Variants in SLC12A7 observed in about 807,000 individuals in gnomAD.
The protein encoded by SLC12A7 is K-Cl cotransporter 4.
Under a neutral mutation model 120.6 loss-of-function variants are expected in SLC12A7, and 100 were observed. The observed-to-expected ratio is 0.83, with a 90% CI of 0.71 to 0.98. The LOEUF is 0.98. SLC12A7 is among the 50% of genes least tolerant of loss of function. The probability of loss-of-function intolerance (pLI) is 0.00; values close to 1 mark genes in which losing one functional copy is unlikely to be tolerated. For missense variants in SLC12A7, 1,373 were observed against 1,548.1 expected (o/e 0.89, Z 1.90); for synonymous variants, 760 against 678.0 (o/e 1.12, Z -1.88).
chr5:1,105,584 G>A (rs948984816), intron 1 of SLC12A7, among the ~76,000 whole-genome samples: 3 of 152,242 alleles, frequency 2.0e-5, no homozygotes, highest in African/African-American at 4.8e-5. Context: ...CATCGTTCAG[G>A]AGCTCATCGT....
In SLC12A7 at chr5:1,083,870, G is replaced by A. The variant is rs761935860; in HGVS notation, c.1004C>T (p.Thr335Ile). The A allele has an allele frequency of 7.5e-6, 12 of 1,608,156 alleles. No homozygotes were observed. The highest frequency in any genetic ancestry group is 5.0e-5 in the Admixed American group (3 of 59,720). Residue 335 changes from threonine to isoleucine, a missense_variant, in exon 8 of 24, where the codon ACC (threonine) becomes ATC (isoleucine). Thr to Ile is a moderately conservative substitution (Grantham distance 89, BLOSUM62 -1). Transcript: ENST00000264930. The stretch of plus-strand genomic sequence containing the variant: ...GCAGAAGAGGCCCCAGAGCGCGGAG[G>A]TGGCTGAGTTGTTGTGGATGCCGTA... ...KAYGIHNNSA[T>I]SALWGLFCNG...
chr5:1,058,604 G>A lies in SLC12A7; in HGVS notation c.2848-955C>T, dbSNP rs911856930. Among the ~76,000 whole-genome samples the A allele has an allele frequency of 5.3e-5, 8 of 152,314 alleles. 1 individual carries two copies. The highest frequency in any genetic ancestry group is 4.1e-4 in the South Asian group (2 of 4,830). The stretch of plus-strand genomic sequence containing the variant: ...TCACTGGACCAGGTTCTTCTTCCCT[G>A]GATAAAACTGTTTAACTTGGATGTC... On this transcript the variant is annotated intron_variant, in intron 21 of 23. Transcript: ENST00000264930.
chr5:1,083,572 G>A (rs1320603968), intron 8 of SLC12A7, among the ~76,000 whole-genome samples, 173 bp downstream of exon 8: 1 of 152,228 alleles, frequency 6.6e-6, no homozygotes, highest in Non-Finnish European at 1.5e-5. Flanking sequence ...CTATGGCTCT[G>A]CCAGGGGTGT....
chr5:1,055,996 G>A (rs995257755), intron 22 of SLC12A7, among the ~76,000 whole-genome samples: 3 of 152,202 alleles, frequency 2.0e-5, no homozygotes, highest in Non-Finnish European at 4.4e-5. Context: ...GGCCCAGGCG[G>A]TTACTGGCGG....
intron 1 of SLC12A7, among the ~76,000 whole-genome samples, chr5:1,099,038 A>T (rs1388193804): frequency 1.3e-5 from 2 of 151,982 alleles, no homozygotes; most frequent in African/African-American, 4.8e-5. Flanking sequence ...CAGGAAGGTG[A>T]GATGGGCAGG....
intron 18 of SLC12A7, 76 bp from the exon 19 acceptor site, chr5:1,064,328 A>G (rs1736684497): frequency 6.6e-7 from 1 of 1,507,070 alleles, no homozygotes; most frequent in Non-Finnish European, 8.9e-7. Flanking sequence ...ACTCACAGCC[A>G]GTGCAGGGGC....
chr5:1,142,218 A>C, the SLC12A7 span, among the ~76,000 whole-genome samples: 11 of 151,638 alleles, frequency 7.3e-5, no homozygotes, highest in African/African-American at 2.4e-4. Context: ...GCCCAGCCCT[A>C]TAAGCCCTGG....
At chr5:1,091,558 T>C (rs1740498181) in intron 3 of SLC12A7, among the ~76,000 whole-genome samples, 2 of 152,172 alleles carry the variant, frequency 1.3e-5, no homozygotes, top group Admixed American at 1.3e-4. Context: ...TGAGTTTTGG[T>C]GCCAGAGTAC....
chr5:1,056,550 G>T lies in SLC12A7; in HGVS notation c.3026+921C>A, dbSNP rs1735631250. On this transcript the variant is annotated intron_variant, in intron 22 of 23. Transcript: ENST00000264930. The stretch of plus-strand genomic sequence containing the variant: ...CAGGCATGCAGGGCAACCGGGCCCG[G>T]AAGGCGACCTGGTTGTAGCGAGTGG... 6 of 983,456 alleles carry T rather than the reference G, an allele frequency of 6.1e-6. No homozygotes were observed. The South Asian group carries it at 1.9e-4, about 31-fold the overall frequency. The allele number at this position is 983,456 out of a possible 1,614,324, so 60.9% of individuals were successfully genotyped here. A position where few individuals can be genotyped will look rare whatever the true frequency, so the allele number is the denominator to read the frequency against.
At chr5:1,091,783 A>C (rs1242408703) in intron 3 of SLC12A7, among the ~76,000 whole-genome samples, 1 of 151,256 alleles carries the variant, frequency 6.6e-6, no homozygotes. Flanking sequence ...AAAGGTGCTG[A>C]GTGCTGAGCC....
At chr5:1,099,364 C>G (rs113635899) in intron 1 of SLC12A7, among the ~76,000 whole-genome samples, 59 of 131,098 alleles carry the variant, frequency 4.5e-4, no homozygotes, top group East Asian at 6.4e-4. Flanking sequence ...CCAGCCCCGA[C>G]CCAGTCCACC....
At chr5:1,083,635 C>G (rs1739467181) in intron 8 of SLC12A7, 110 bp downstream of exon 8, 1 of 1,145,374 alleles carries the variant, frequency 8.7e-7, no homozygotes, top group Non-Finnish European at 1.3e-6. Flanking sequence ...CTCGGCCAGG[C>G]AGGAGGAATT....
chr5:1,085,388 T>C lies in SLC12A7; in HGVS notation c.761A>G (p.Tyr254Cys). 2 of 1,611,946 alleles carry C rather than the reference T, an allele frequency of 1.2e-6. No homozygotes were observed. Among genetic ancestry groups the C allele is most frequent in the Non-Finnish European group, 1.7e-6 (2 of 1,179,610 alleles). ...CATGAGCACGAGCGTGCACGTGCCG[T>C]ACACACGCATGTTGTGCAGCATGGC... ...AAAMLHNMRV[Y>C]GTCTLVLMAL... is the part of the protein sequence containing the mutation. The change falls in exon 7 of 24, where the codon TAC becomes TGC. Residue 254 changes from tyrosine (Y) to cysteine (C), a missense_variant. Physicochemically the swap from Tyr to Cys is radical, Grantham distance 194. Transcript: ENST00000264930.
At chr5:1,132,504 G>A in the SLC12A7 span, among the ~76,000 whole-genome samples, 1 of 151,954 alleles carries the variant, frequency 6.6e-6, no homozygotes, top group African/African-American at 2.4e-5. Flanking sequence ...CTTGGGGGTC[G>A]TCTGGATTGG....
chr5:1,150,099 G>A, the SLC12A7 span, among the ~76,000 whole-genome samples: 32,724 of 152,150 alleles, frequency 0.22, 4,208 homozygotes, highest in East Asian at 0.35. Flanking sequence ...TTTTAAAAGG[G>A]TGTATTTGTT....
chr5:1,061,612 A>C (rs1309832459), intron 20 of SLC12A7, among the ~76,000 whole-genome samples: 2 of 152,210 alleles, frequency 1.3e-5, no homozygotes. Flanking sequence ...CACCCGGCTC[A>C]TGGGAGTTGG....
At chr5:1,066,128 TCAGGCCCTGGAACC>T (rs1307986335) in intron 17 of SLC12A7, among the ~76,000 whole-genome samples, 2 of 152,128 alleles carry the variant, frequency 1.3e-5, no homozygotes, top group African/African-American at 4.8e-5. Context: ...CCTCTGACCT[TCAGGCCCTGGAACC>T]CCAGGGCCTG....
chr5:1,053,194 G>A (rs373264704), intron 23 of SLC12A7, among the ~76,000 whole-genome samples, 155 bp downstream of exon 23: 9 of 152,312 alleles, frequency 5.9e-5, no homozygotes, highest in African/African-American at 2.2e-4. Context: ...ACTGGGCTCA[G>A]AGCCCCACTG....
At chr5:1,059,992 G>A (rs2150785620) in intron 21 of SLC12A7, among the ~76,000 whole-genome samples, 1 of 152,382 alleles carries the variant, frequency 6.6e-6, no homozygotes, top group African/African-American at 2.4e-5. Context: ...ACTGCCCTTG[G>A]GGAGGGTCCC....
Sources: gnomAD v4.1 joint callset for allele counts (sites outside exome capture counted in the v4.1 genomes callset) on GRCh38, gnomAD v4.1.1 for gene constraint, MANE v1.5 for transcripts, NCBI Gene and HGNC (gene_info 2026-07-23, HGNC 2026-07-21) for gene names.